Variants in MSH5 observed in about 807,000 individuals in gnomAD.
The protein encoded by MSH5 is mutS protein homolog 5.
A neutral mutation model predicts 107.7 loss-of-function variants in MSH5; 78 were observed. The observed-to-expected ratio is 0.72, with a 90% CI of 0.60 to 0.87. The LOEUF is 0.87. MSH5 is among the 40% of genes least tolerant of loss of function. The pLI, the probability that MSH5 is intolerant of heterozygous loss-of-function variation, is 0.00. For synonymous variants in MSH5, 326 were observed against 399.5 expected (o/e 0.82, Z 2.19); for missense variants, 889 against 1,046.6 (o/e 0.85, Z 2.08).
At chr6:31,745,913 G>T (rs538734594) in intron 9 of MSH5, among the ~76,000 whole-genome samples, 1 of 150,270 alleles carries the variant, frequency 6.7e-6, no homozygotes, top group African/African-American at 2.5e-5. Flanking sequence ...GACTACAGGT[G>T]CCCACCACGA....
intron 8 of MSH5, among the ~76,000 whole-genome samples, 183 bp from the exon 9 acceptor site, chr6:31,745,054 A>C (rs1809290539): frequency 6.7e-6 from 1 of 148,490 alleles, no homozygotes; most frequent in Non-Finnish European, 1.5e-5. Context: ...CAGTGAGCTG[A>C]AATTGCACCA....
At chr6:31,741,512 G>A (rs1173749059) in intron 3 of MSH5, among the ~76,000 whole-genome samples, 1 of 152,086 alleles carries the variant, frequency 6.6e-6, no homozygotes, top group Non-Finnish European at 1.5e-5. Context: ...CCGAGTAGCT[G>A]GGACTACAGG....
chr6:31,751,045 C>T (rs1809910308), intron 10 of MSH5, among the ~76,000 whole-genome samples: 1 of 152,092 alleles, frequency 6.6e-6, no homozygotes, highest in Non-Finnish European at 1.5e-5. Context: ...CACTCTGTCA[C>T]CCATCCTGGA....
At chr6:31,753,493 T>A in intron 11 of MSH5, 54 bp downstream of exon 11, 2 of 1,613,224 alleles carry the variant, frequency 1.2e-6, no homozygotes, top group Non-Finnish European at 1.7e-6. Flanking sequence ...GGGCTGATAC[T>A]GGGCAGTGGG....
Position 31,761,321 on chromosome 6 carries a change from G to T in MSH5, c.2037+59G>T, listed in dbSNP as rs1397886800. 8.1e-6 allele frequency: 13 copies of T among 1,607,006 alleles called. No homozygotes were observed. Among genetic ancestry groups the T allele is most frequent in the Non-Finnish European group, 1.1e-5 (13 of 1,175,236 alleles). ...GGAGGGGAAAATGGAGGAGGATGAA[G>T]GAGCATGACAGTGAGGCTGGGCCTC... is the stretch of plus-strand genomic sequence containing the variant. On this transcript the variant is annotated intron_variant, in intron 21 of 24. Coordinates refer to ENST00000375750, the MANE Select transcript of MSH5 (RefSeq NM_172166.4). This position sits in a 1 kb window ranked among gnomAD's most constrained non-coding sequence, Gnocchi z 5.3.
rs141493879 is a variant in MSH5, at chr6:31,762,456, T to A, written c.2430T>A (p.Asp810Glu). ...TAGTGGATAAGTTTATGAAACTGGA[T>A]TTGGAAGATCCTAACCTGGACTTGA... is the stretch of plus-strand genomic sequence containing the variant. Reference protein sequence around the residue: ...QTLVDKFMKLDLEDPNLDLNV... With the variant: ...QTLVDKFMKLELEDPNLDLNV... The change falls in exon 25 of 25, where the codon GAT becomes GAA. Residue 810 changes from aspartate (D) to glutamate (E), a missense_variant. Coordinates refer to ENST00000375750, the MANE Select transcript of MSH5 (RefSeq NM_172166.4). 1.2e-6 allele frequency: 2 copies of A among 1,613,978 alleles called. No individual in the cohort carries two copies. The highest frequency in any genetic ancestry group is 1.7e-6 in the Non-Finnish European group (2 of 1,179,932).
At chr6:31,753,874 C>T (rs891047516) in intron 12 of MSH5, 20 of 442,292 alleles carry the variant, frequency 4.5e-5, no homozygotes, top group African/African-American at 1.2e-4. Context: ...TACAAGCGCC[C>T]GCCACCATGC....
chr6:31,762,364 C>T, intron 24 of MSH5, 56 bp from the exon 25 acceptor site: 1 of 1,407,920 alleles, frequency 7.1e-7, no homozygotes, highest in Non-Finnish European at 1.0e-6. Context: ...TCCCCTCTGC[C>T]CAGGGATTTG....
At position 31,740,340 on chromosome 6, in the gene MSH5, G is replaced by A; in HGVS notation, c.-13-114G>A. 1 of 1,148,226 alleles carries A rather than the reference G, an allele frequency of 8.7e-7. No individual in the cohort carries two copies. The highest frequency in any genetic ancestry group is 1.2e-6 in the Non-Finnish European group (1 of 826,688). 71.1% of individuals were successfully genotyped at this position (1,148,226 alleles called of 1,614,324 possible). A position where few individuals can be genotyped will look rare whatever the true frequency, so the allele number is the denominator to read the frequency against. On this transcript the variant is annotated intron_variant, in intron 1 of 24. Transcript: ENST00000375750. The surrounding 1 kb of genome is among the most constrained non-coding windows in gnomAD (Gnocchi z 4.4). The stretch of plus-strand genomic sequence containing the variant: ...ACAGCTCTCCACGCCCCTCAGCCCT[G>A]CCCCGCAGCCCTGTAGCAGAAGTAC...
intron 10 of MSH5, among the ~76,000 whole-genome samples, chr6:31,747,946 G>A (rs1205215343): frequency 6.6e-6 from 1 of 151,262 alleles, no homozygotes; most frequent in Non-Finnish European, 1.5e-5. Context: ...GGAGGTTGCA[G>A]TGAGCCAAGA....
chr6:31,748,280 C>T (rs72850180), intron 10 of MSH5, among the ~76,000 whole-genome samples: 2 of 151,702 alleles, frequency 1.3e-5, no homozygotes, highest in African/African-American at 2.4e-5. Context: ...AAGCCATGAA[C>T]CTTGGATTGA....
chr6:31,760,934 C>A lies in MSH5; in HGVS notation c.1962+95C>A. ...TAACAGGAAAGCATGCCCTCTGCTG[C>A]ATGCCCTTTATACTAAAAGTGGGGA... On this transcript the variant is annotated intron_variant, in intron 20 of 24. Coordinates refer to ENST00000375750, the MANE Select transcript of MSH5 (RefSeq NM_172166.4). This position sits in a 1 kb window ranked among gnomAD's most constrained non-coding sequence, Gnocchi z 5.6. 7.2e-7 allele frequency: 1 copy of A among 1,395,776 alleles called. No individual in the cohort carries two copies. Among genetic ancestry groups the A allele is most frequent in the Non-Finnish European group, 9.8e-7 (1 of 1,025,024 alleles). The allele number at this position is 1,395,776 out of a possible 1,614,324, so 86.5% of individuals were successfully genotyped here. A position where few individuals can be genotyped will look rare whatever the true frequency, so the allele number is the denominator to read the frequency against.
chr6:31,753,524 T>A (rs768252350), intron 11 of MSH5, 43 bp from the exon 12 acceptor site: 1 of 1,613,684 alleles, frequency 6.2e-7, no homozygotes, highest in Admixed American at 1.7e-5. Flanking sequence ...GGCATTAGAG[T>A]GAGGGAAGAG....
chr6:31,757,213 C>T (rs901273679), intron 12 of MSH5, among the ~76,000 whole-genome samples: 7 of 152,098 alleles, frequency 4.6e-5, no homozygotes, highest in South Asian at 2.1e-4. Context: ...GGCGCGATCT[C>T]GGCTCACTGC....
intron 12 of MSH5, among the ~76,000 whole-genome samples, chr6:31,754,240 C>T (rs1810244460): frequency 6.6e-6 from 1 of 151,706 alleles, no homozygotes; most frequent in African/African-American, 2.4e-5. Context: ...ACCTCTGCCT[C>T]CCAAGTTCAA....
intron 3 of MSH5, among the ~76,000 whole-genome samples, 173 bp from the exon 4 acceptor site, chr6:31,742,704 C>T (rs767398218): frequency 1.3e-5 from 2 of 152,224 alleles, no homozygotes; most frequent in Admixed American, 6.5e-5. Context: ...CCACTCTTAA[C>T]TACTTTTCTA....
chr6:31,758,684 G>T lies in MSH5; in HGVS notation c.1216+64G>T. Reference sequence around the variant, plus strand: ...AGTGATGGAGTACCATCCTTGGCAGGTGGTCACCACAGCTGGGGATCTTCA... The same window carrying T: ...AGTGATGGAGTACCATCCTTGGCAGTTGGTCACCACAGCTGGGGATCTTCA... On this transcript the variant is annotated intron_variant, in intron 14 of 24. Transcript: ENST00000375750. This position sits in a 1 kb window ranked among gnomAD's most constrained non-coding sequence, Gnocchi z 5.1. 6.2e-7 allele frequency: 1 copy of T among 1,609,604 alleles called. No individual in the cohort carries two copies. The highest frequency in any genetic ancestry group is 1.1e-5 in the South Asian group (1 of 90,986).
Position 31,762,395 on chromosome 6 carries a change from T to G in MSH5, c.2394-25T>G, listed in dbSNP as rs780253974. ...ATTTGGTTGTCCATTCTGCCATAAA[T>G]CTTGCGATTTTCTCTCTTCTTCAGT... On this transcript the variant is annotated intron_variant, in intron 24 of 24. Coordinates refer to ENST00000375750, the MANE Select transcript of MSH5 (RefSeq NM_172166.4). 24 of 1,555,916 alleles carry G rather than the reference T, an allele frequency of 1.5e-5. No homozygotes were observed. In the Admixed American group the frequency reaches 2.5e-4, roughly 16 times the overall value.
intron 12 of MSH5, 77 bp downstream of exon 12, chr6:31,753,706 A>C: frequency 7.4e-7 from 1 of 1,343,572 alleles, no homozygotes; most frequent in Non-Finnish European, 1.1e-6. Flanking sequence ...TGTACCCTAG[A>C]CATGCTGTCC....
Sources: gnomAD v4.1 joint callset for allele counts (sites outside exome capture counted in the v4.1 genomes callset) on GRCh38, gnomAD v4.1.1 for gene constraint, Gnocchi (gnomAD v3.1) non-coding constraint, MANE v1.5 for transcripts, NCBI Gene and HGNC (gene_info 2026-07-23, HGNC 2026-07-21) for gene names.